Variants in PTPRB observed in about 807,000 individuals in gnomAD.
The protein encoded by PTPRB is receptor-type tyrosine-protein phosphatase beta.
In PTPRB, 97 loss-of-function variants were observed where a neutral mutation model predicts 238.1. That is an observed-to-expected ratio of 0.41 (90% confidence interval 0.35 to 0.48). The LOEUF is 0.48. PTPRB is among the 20% of genes least tolerant of loss of function. The pLI, the probability that PTPRB is intolerant of heterozygous loss-of-function variation, is 0.30. For missense variants in PTPRB, 2,292 were observed against 2,681.9 expected, an observed-to-expected ratio of 0.85 and a Z score of 3.21; for synonymous variants, 970 against 995.4, an observed-to-expected ratio of 0.97 and a Z score of 0.48.
chr12:70,546,511 T>G lies in PTPRB; in HGVS notation c.5388-1848A>C, dbSNP rs537558314. Among the ~76,000 whole-genome samples the G allele has an allele frequency of 2.0e-5, 3 of 152,182 alleles. No individual in the cohort carries two copies. The South Asian group carries it at 6.2e-4, about 32-fold the overall frequency. ...GGCATATTTTAGGATGAATTAGAGA[T>G]CATTTGAGTGACTGACCTGAACAAT... On this transcript the variant is annotated intron_variant, in intron 21 of 33. Transcript: ENST00000334414.
chr12:70,566,420 T>C lies in PTPRB; in HGVS notation c.3904+15A>G, dbSNP rs199719183. On this transcript the variant is annotated intron_variant, in intron 15 of 33. Transcript: ENST00000334414. ...TGGCAATATGTGCTACAAAACATTA[T>C]GCTGTGCTAATTACCTGTTCGGCCT... The C allele has an allele frequency of 1.6e-4, 254 of 1,612,494 alleles. 1 individual carries two copies. The highest frequency in any genetic ancestry group is 1.4e-5 in the Non-Finnish European group (16 of 1,179,082).
intron 10 of PTPRB, among the ~76,000 whole-genome samples, chr12:70,577,949 C>A (rs1233865869): frequency 7.2e-5 from 11 of 152,040 alleles, no homozygotes; most frequent in Admixed American, 7.2e-4. Flanking sequence ...GCCATCCAAC[C>A]ATCTATACAT....
chr12:70,550,700 A>G (rs1414506920), intron 21 of PTPRB, among the ~76,000 whole-genome samples: 1 of 152,136 alleles, frequency 6.6e-6, no homozygotes, highest in African/African-American at 2.4e-5. Flanking sequence ...TGGTCCAGAC[A>G]CAAATTTTTT....
intron 9 of PTPRB, among the ~76,000 whole-genome samples, chr12:70,584,075 A>G (rs929384059): frequency 6.6e-6 from 1 of 152,214 alleles, no homozygotes; most frequent in African/African-American, 2.4e-5. Context: ...GCAACAGAGC[A>G]CAACATAAAT....
chr12:70,549,919 T>G lies in PTPRB; in HGVS notation c.5387+2858A>C, dbSNP rs144332101. On this transcript the variant is annotated intron_variant, in intron 21 of 33. Transcript: ENST00000334414. ...TGTTACATCCTTAGAGCATCTTGGC[T>G]CATTCCCGTATTTGTTCATAAACAT... Among the ~76,000 whole-genome samples, 4 of 152,368 alleles carry G rather than the reference T, an allele frequency of 2.6e-5. No individual in the cohort carries two copies. The East Asian group carries it at 7.7e-4, about 29-fold the overall frequency.
chr12:70,626,782 CGT>C (rs371161024), intron 2 of PTPRB, among the ~76,000 whole-genome samples: 2 of 151,386 alleles, frequency 1.3e-5, no homozygotes, highest in African/African-American at 4.9e-5. Context: ...CACATACACA[CGT>C]GTGTGTGTGT....
intron 11 of PTPRB, among the ~76,000 whole-genome samples, chr12:70,574,070 T>C (rs183463446): frequency 4.3e-4 from 65 of 152,246 alleles, no homozygotes; most frequent in African/African-American, 1.6e-3. Flanking sequence ...AGGAGGAGCA[T>C]TGAAAAGAGG....
chr12:70,594,310 CCTT>C (rs1274497850), intron 6 of PTPRB, among the ~76,000 whole-genome samples, 154 bp downstream of exon 6: 1 of 152,182 alleles, frequency 6.6e-6, no homozygotes, highest in East Asian at 1.9e-4. Flanking sequence ...AAAAGAGAAT[CCTT>C]CTTTTTCTGA....
chr12:70,555,849 C>G lies in PTPRB; in HGVS notation c.4993+21G>C, dbSNP rs185812735. The G allele has an allele frequency of 5.6e-6, 9 of 1,608,742 alleles. No homozygotes were observed. The African/African-American group carries it at 1.1e-4, about 19-fold the overall frequency. ...CACTCCAGTGACAGGAGGCTCTGTG[C>G]GCACCTCCAGGGACACTTACGGTCT... On this transcript the variant is annotated intron_variant, in intron 19 of 33. Transcript: ENST00000334414.
At chr12:70,527,604 A>T (rs1271419846) in intron 32 of PTPRB, 1 of 152,180 alleles carries the variant, frequency 6.6e-6, no homozygotes, top group African/African-American at 2.4e-5. Flanking sequence ...TCAGGCTGCA[A>T]ATTTCCCTCA....
chr12:70,618,737 G>A (rs568326697), intron 3 of PTPRB, among the ~76,000 whole-genome samples: 2 of 152,308 alleles, frequency 1.3e-5, no homozygotes, highest in African/African-American at 4.8e-5. Context: ...GTGAAGACAC[G>A]CAATCCACAT....
rs368301906 is a variant in PTPRB, at chr12:70,540,230, TGAA to T, written c.5595-211_5595-209del. On this transcript the variant is annotated intron_variant, in intron 23 of 33. Transcript: ENST00000334414. Reference sequence around the variant, plus strand: ...CCCAGAAACGGATCTCTGCAAAAACTGAAGATTTGTCTCCTGGTTTTTGGCTAC... The same window carrying T: ...CCCAGAAACGGATCTCTGCAAAAACTGATTTGTCTCCTGGTTTTTGGCTAC... The T allele has an allele frequency of 5.6e-3, 2,662 of 478,628 alleles. 8 individuals are homozygous for T. The highest frequency in any genetic ancestry group is 7.9e-3 in the Non-Finnish European group (2,156 of 272,866). 29.6% of individuals were successfully genotyped at this position (478,628 alleles called of 1,614,324 possible).
chr12:70,589,177 G>C (rs1882235388), intron 8 of PTPRB, among the ~76,000 whole-genome samples: 1 of 152,112 alleles, frequency 6.6e-6, no homozygotes, highest in Non-Finnish European at 1.5e-5. Flanking sequence ...ATTAATATTT[G>C]GAAGATGAGG....
chr12:70,601,916 G>A (rs563385766), intron 4 of PTPRB, among the ~76,000 whole-genome samples: 3 of 148,400 alleles, frequency 2.0e-5, no homozygotes, highest in Non-Finnish European at 4.4e-5. Flanking sequence ...TCAGCCTCCC[G>A]AGTAGCTGGG....
intron 9 of PTPRB, among the ~76,000 whole-genome samples, chr12:70,586,773 G>C (rs578208841): frequency 6.6e-6 from 1 of 152,114 alleles, no homozygotes; most frequent in East Asian, 1.9e-4. Context: ...CCTTGAAACG[G>C]TTGTTCTTTA....
rs141936901 is a variant in PTPRB, at chr12:70,585,567, A to G, written c.2311+1440T>C. ...AGGGGCTCTTTCCCCTTTCATCTCC[A>G]TCACTTCCCCTCCTGCCACCTTGTG... is the stretch of plus-strand genomic sequence containing the variant. On this transcript the variant is annotated intron_variant, in intron 9 of 33. Coordinates refer to ENST00000334414, the MANE Select transcript of PTPRB (RefSeq NM_001109754.4). Among the ~76,000 whole-genome samples, 816 of 152,046 alleles carry G rather than the reference A, an allele frequency of 5.4e-3. 6 individuals are homozygous for G. The highest frequency in any genetic ancestry group is 0.018 in the African/African-American group (766 of 41,476).
rs1369922816 is a variant in PTPRB at position 70,521,359 on chromosome 12, A to G, written c.*130T>C. 1 of 566,120 alleles carries G rather than the reference A, an allele frequency of 1.8e-6. No individual in the cohort carries two copies. Among genetic ancestry groups the G allele is most frequent in the African/African-American group, 1.9e-5 (1 of 52,118 alleles). The allele number at this position is 566,120 out of a possible 1,614,324, so 35.1% of individuals were successfully genotyped here. ...CTTTAAATTATATAAAATTTTAAAC[A>G]TTCTCCAGATTAATAAATTATACAT... On this transcript the variant is annotated 3_prime_UTR_variant, in exon 34 of 34. Coordinates refer to ENST00000334414, the MANE Select transcript of PTPRB (RefSeq NM_001109754.4).
At chr12:70,609,876 C>T (rs1400809319) in intron 3 of PTPRB, 1 of 1,514,126 alleles carries the variant, frequency 6.6e-7, no homozygotes, top group Non-Finnish European at 8.9e-7. Context: ...GGCCCGAGGG[C>T]CGGGGCAGGG....
rs1431286768 is a variant in PTPRB at position 70,524,440 on chromosome 12, A to ACTT, written c.6625+28_6625+30dup. On this transcript the variant is annotated intron_variant, in intron 33 of 33. Transcript: ENST00000334414. ...AGATTGACCATATCTTGATGAAGAA[A>ACTT]CTTGGGGAAGTAAGTGAAGTAAGTG... 1.9e-6 allele frequency: 3 copies of ACTT among 1,566,244 alleles called. No homozygotes were observed. The Admixed American group carries it at 5.7e-5, about 30-fold the overall frequency.
Sources: gnomAD v4.1 joint callset for allele counts (sites outside exome capture counted in the v4.1 genomes callset) on GRCh38, gnomAD v4.1.1 for gene constraint, MANE v1.5 for transcripts, NCBI Gene and HGNC (gene_info 2026-07-23, HGNC 2026-07-21) for gene names.